The following ECT2 variants were observed in gnomAD, a reference collection of about 807,000 sequenced individuals.
ECT2 encodes the protein epithelial cell transforming 2, also known as protein ECT2.
Under a neutral mutation model 116.9 loss-of-function variants are expected in ECT2, and 61 were observed. The ratio of observed to expected loss-of-function variants is 0.52; its 90% CI spans 0.42 to 0.65. The LOEUF (loss-of-function observed/expected upper bound fraction) is 0.65, where lower values mean the gene tolerates loss of function less well. ECT2 is among the 30% of genes least tolerant of loss of function. ECT2 has a pLI of 0.00. For synonymous variants in ECT2, 358 were observed against 346.4 expected, an observed-to-expected ratio of 1.03 and a Z score of -0.37; for missense variants, 937 against 1,078.7, an observed-to-expected ratio of 0.87 and a Z score of 1.84.
At chr3:172,819,945 G>C (rs1470321230) in intron 24 of ECT2, among the ~76,000 whole-genome samples, 1 of 152,026 alleles carries the variant, frequency 6.6e-6, no homozygotes. Flanking sequence ...ATTTGGCTTT[G>C]TTCTCAGAAT....
Position 172,802,021 on chromosome 3 carries a change from T to G in ECT2, c.1908-595T>G, listed in dbSNP as rs570843037. Among the ~76,000 whole-genome samples the G allele has an allele frequency of 6.6e-5, 10 of 152,294 alleles. No homozygotes were observed. The South Asian group carries it at 2.1e-3, about 32-fold the overall frequency. ...TACAGGTTTAGTGTATTTTAGAAAG[T>G]GCATAGGGAGTATAGTAAAGAATAT... On this transcript the variant is annotated intron_variant, in intron 18 of 24. Transcript: ENST00000392692.
At chr3:172,778,043 A>G (rs1179064453) in intron 14 of ECT2, among the ~76,000 whole-genome samples, 1 of 152,206 alleles carries the variant, frequency 6.6e-6, no homozygotes, top group Non-Finnish European at 1.5e-5. Context: ...CTTACTGTGC[A>G]ATGAGCTCAG....
intron 15 of ECT2, among the ~76,000 whole-genome samples, chr3:172,783,344 A>C (rs1378005165): frequency 6.6e-6 from 1 of 152,016 alleles, no homozygotes; most frequent in Admixed American, 6.5e-5. Flanking sequence ...CATTTTTTTG[A>C]TAACCTTTTA....
At chr3:172,766,939 A>G (rs1218104102) in intron 12 of ECT2, among the ~76,000 whole-genome samples, 1 of 152,216 alleles carries the variant, frequency 6.6e-6, no homozygotes, top group Non-Finnish European at 1.5e-5. Flanking sequence ...CAGATGTGAC[A>G]ACTATACTGA....
At chr3:172,767,081 G>C (rs1211072422) in intron 12 of ECT2, among the ~76,000 whole-genome samples, 1 of 152,208 alleles carries the variant, frequency 6.6e-6, no homozygotes, top group Non-Finnish European at 1.5e-5. Context: ...AGGCTTCTGG[G>C]TCTGGTGAGT....
At chr3:172,818,546 A>G in intron 24 of ECT2, 2 of 1,268,514 alleles carry the variant, frequency 1.6e-6, no homozygotes, top group Non-Finnish European at 2.0e-6. Flanking sequence ...CTGTTCTAAC[A>G]GATTACCCAT....
chr3:172,803,815 T>C (rs1727165928), intron 20 of ECT2, among the ~76,000 whole-genome samples: 1 of 151,966 alleles, frequency 6.6e-6, no homozygotes, highest in Non-Finnish European at 1.5e-5. Context: ...CGTTTTTCTT[T>C]TTTTTTTCGA....
chr3:172,819,438 A>G (rs999637911), intron 24 of ECT2, among the ~76,000 whole-genome samples: 1 of 152,138 alleles, frequency 6.6e-6, no homozygotes, highest in Non-Finnish European at 1.5e-5. Context: ...AAACTTAGCA[A>G]TTTAATAATC....
intron 18 of ECT2, among the ~76,000 whole-genome samples, chr3:172,791,069 G>T (rs1198286359): frequency 1.3e-5 from 2 of 152,204 alleles, no homozygotes; most frequent in Non-Finnish European, 2.9e-5. Flanking sequence ...AACGAGAGTT[G>T]CTTGAATCCA....
At chr3:172,803,140 T>C (rs1727034885) in intron 20 of ECT2, among the ~76,000 whole-genome samples, 160 bp downstream of exon 20, 1 of 152,218 alleles carries the variant, frequency 6.6e-6, no homozygotes, top group Non-Finnish European at 1.5e-5. Flanking sequence ...TTAATACTGT[T>C]AATAGAATGC....
chr3:172,756,725 A>G (rs184710582), intron 4 of ECT2, among the ~76,000 whole-genome samples: 27 of 152,298 alleles, frequency 1.8e-4, no homozygotes, highest in Admixed American at 1.5e-3. Flanking sequence ...AGTCAGAATT[A>G]TGCCTTTATA....
At chr3:172,766,944 T>C (rs1345164980) in intron 12 of ECT2, among the ~76,000 whole-genome samples, 1 of 152,228 alleles carries the variant, frequency 6.6e-6, no homozygotes, top group Non-Finnish European at 1.5e-5. Context: ...GTGACAACTA[T>C]ACTGATATTT....
At chr3:172,762,321 C>G (rs1324448508) in intron 8 of ECT2, 95 bp from the exon 9 acceptor site, 1 of 1,307,860 alleles carries the variant, frequency 7.6e-7, no homozygotes, top group Non-Finnish European at 1.1e-6. Flanking sequence ...TAGATTATGC[C>G]AAGACCTTGA....
intron 17 of ECT2, among the ~76,000 whole-genome samples, chr3:172,785,011 G>A (rs970904020): frequency 2.6e-5 from 4 of 152,166 alleles, no homozygotes; most frequent in African/African-American, 9.6e-5. Flanking sequence ...TTGATTAGTA[G>A]TATATATTTT....
At chr3:172,797,987 A>T (rs989694958) in intron 18 of ECT2, among the ~76,000 whole-genome samples, 1 of 152,152 alleles carries the variant, frequency 6.6e-6, no homozygotes, top group Non-Finnish European at 1.5e-5. Context: ...GACTTTCAAC[A>T]TCTTTGGCAA....
At chr3:172,814,059 A>C (rs1729256347) in intron 22 of ECT2, among the ~76,000 whole-genome samples, 1 of 152,122 alleles carries the variant, frequency 6.6e-6, no homozygotes, top group Non-Finnish European at 1.5e-5. Context: ...ATTTACAAGT[A>C]CTATTAACTG....
At chr3:172,779,866 A>T (rs1576925709) in intron 14 of ECT2, among the ~76,000 whole-genome samples, 1 of 151,730 alleles carries the variant, frequency 6.6e-6, no homozygotes, top group East Asian at 1.9e-4. Flanking sequence ...ACTGCACTCC[A>T]GCCTGAGCAA....
At chr3:172,777,461 C>T (rs1373845536) in intron 14 of ECT2, among the ~76,000 whole-genome samples, 4 of 152,202 alleles carry the variant, frequency 2.6e-5, no homozygotes, top group Admixed American at 1.3e-4. Context: ...TTAGAAGCCT[C>T]ATCCTTACTT....
intron 21 of ECT2, among the ~76,000 whole-genome samples, chr3:172,806,809 T>G (rs1727837305): frequency 1.3e-5 from 2 of 151,778 alleles, no homozygotes; most frequent in South Asian, 4.2e-4. Flanking sequence ...CCTGGCTAAT[T>G]TTTTTGTATT....
Sources: gnomAD v4.1 joint callset for allele counts (sites outside exome capture counted in the v4.1 genomes callset) on GRCh38, gnomAD v4.1.1 for gene constraint, MANE v1.5 for transcripts, NCBI Gene and HGNC (gene_info 2026-07-23, HGNC 2026-07-21) for gene names.